SEL1L3: variants seen among roughly 807,000 people sequenced by gnomAD.
SEL1L3 encodes the protein protein sel-1 homolog 3.
Under a neutral mutation model 142.8 loss-of-function variants are expected in SEL1L3, and 76 were observed. The observed-to-expected ratio is 0.53, with a 90% CI of 0.44 to 0.64. The LOEUF (loss-of-function observed/expected upper bound fraction) is 0.64. Among genes scored for constraint, SEL1L3 ranks in the 30% least tolerant of loss-of-function variants. The pLI, the probability that SEL1L3 is intolerant of heterozygous loss-of-function variation, is 0.00. For missense variants in SEL1L3, 1,262 were observed against 1,381.7 expected (o/e 0.91, Z 1.37); for synonymous variants, 504 against 519.6 (o/e 0.97, Z 0.41).
At chr4:25,723,923 C>T in the SEL1L3 span, among the ~76,000 whole-genome samples, 3 of 152,272 alleles carry the variant, frequency 2.0e-5, no homozygotes, top group Non-Finnish European at 2.9e-5. Flanking sequence ...TCCTATTACT[C>T]GCCAAGCAGT....
At chr4:25,843,943 G>A (rs1358259946) in intron 2 of SEL1L3, among the ~76,000 whole-genome samples, 2 of 152,258 alleles carry the variant, frequency 1.3e-5, no homozygotes, top group South Asian at 2.1e-4. Flanking sequence ...CACACTTCCA[G>A]AACGCCCGGG....
intron 7 of SEL1L3, among the ~76,000 whole-genome samples, chr4:25,820,970 C>T (rs566777568): frequency 2.8e-4 from 43 of 152,122 alleles, no homozygotes; most frequent in African/African-American, 7.2e-4. Flanking sequence ...TCAAGTGATC[C>T]GCCTGCCTCG....
chr4:25,726,544 AAC>A, the SEL1L3 span, among the ~76,000 whole-genome samples: 1 of 139,982 alleles, frequency 7.1e-6, no homozygotes, highest in Non-Finnish European at 1.6e-5. Context: ...AAAAAAAAAA[AAC>A]CCAAAAAAAA....
At chr4:25,823,471 G>A (rs974268108) in intron 6 of SEL1L3, among the ~76,000 whole-genome samples, 5 of 152,012 alleles carry the variant, frequency 3.3e-5, no homozygotes, top group Non-Finnish European at 7.4e-5. Context: ...CTGAGATTGC[G>A]CCACTGCACT....
chr4:25,776,200 A>AT, intron 17 of SEL1L3, 77 bp downstream of exon 17: 1 of 894,956 alleles, frequency 1.1e-6, no homozygotes, highest in Non-Finnish European at 1.8e-6. Flanking sequence ...TCTCAGTTGC[A>AT]TTTTAAGACT....
chr4:25,795,236 T>C (rs1391841467), intron 11 of SEL1L3, among the ~76,000 whole-genome samples: 1 of 152,172 alleles, frequency 6.6e-6, no homozygotes, highest in Non-Finnish European at 1.5e-5. Flanking sequence ...AAGAAGATTG[T>C]TTGTGAAAGA....
intron 1 of SEL1L3, among the ~76,000 whole-genome samples, chr4:25,856,491 A>C (rs1206328432): frequency 6.6e-6 from 1 of 151,950 alleles, no homozygotes; most frequent in Non-Finnish European, 1.5e-5. Context: ...AAATATGTTT[A>C]TACCAGATGT....
Position 25,818,179 on chromosome 4 carries a change from G to A in SEL1L3, c.1523C>T (p.Pro508Leu). ...PWEKELKDKH[P>L]SLFQALLEMD... The stretch of plus-strand genomic sequence containing the variant: ...CTCCAGCAATGCCTGGAACAAGCTG[G>A]GGTGTTTGTCTTTCAGCTCCTTCTC... Residue 508 changes from proline to leucine, a missense_variant, in exon 9 of 24, where the codon CCC becomes CTC. Physicochemically the swap from Pro to Leu is moderately conservative, Grantham distance 98. Transcript: ENST00000399878. The A allele has an allele frequency of 6.2e-7, 1 of 1,610,526 alleles. No homozygotes were observed. Among genetic ancestry groups the A allele is most frequent in the Non-Finnish European group, 8.5e-7 (1 of 1,178,442 alleles).
chr4:25,744,178 G>A (rs1477459229), downstream of SEL1L3, among the ~76,000 whole-genome samples: 1 of 152,122 alleles, frequency 6.6e-6, no homozygotes, highest in Non-Finnish European at 1.5e-5. Context: ...ACCAGAGCCA[G>A]CCTCCCATGG....
chr4:25,739,936 A>G, the SEL1L3 span, among the ~76,000 whole-genome samples: 75 of 151,736 alleles, frequency 4.9e-4, no homozygotes, highest in African/African-American at 1.8e-3. Flanking sequence ...TCATTCATCA[A>G]TGTATTTTTT....
chr4:25,742,040 GTCC>G, the SEL1L3 span, among the ~76,000 whole-genome samples: 1 of 151,880 alleles, frequency 6.6e-6, no homozygotes, highest in African/African-American at 2.4e-5. Flanking sequence ...TCGAACTCTT[GTCC>G]TCAAGTGATC....
chr4:25,808,952 A>AG (rs1246664342), intron 9 of SEL1L3, among the ~76,000 whole-genome samples: 1 of 150,066 alleles, frequency 6.7e-6, no homozygotes, highest in Non-Finnish European at 1.5e-5. Context: ...GAGTGCCTGT[A>AG]GTCCCATCTA....
At chr4:25,853,536 G>T (rs1183850887) in intron 1 of SEL1L3, among the ~76,000 whole-genome samples, 1 of 150,852 alleles carries the variant, frequency 6.6e-6, no homozygotes, top group Non-Finnish European at 1.5e-5. Context: ...CAAACCCTTT[G>T]TATAAAAAAA....
At chr4:25,828,497 G>A (rs529070472) in intron 6 of SEL1L3, among the ~76,000 whole-genome samples, 8 of 150,200 alleles carry the variant, frequency 5.3e-5, no homozygotes, top group Non-Finnish European at 1.0e-4. Context: ...AGCAATTCTC[G>A]TGCCTCAGCC....
At chr4:25,813,792 T>C (rs1714187315) in intron 9 of SEL1L3, among the ~76,000 whole-genome samples, 1 of 152,204 alleles carries the variant, frequency 6.6e-6, no homozygotes, top group African/African-American at 2.4e-5. Context: ...GTCTCTTTTG[T>C]AATAGAATAA....
rs141189202 is a variant in SEL1L3 at position 25,832,075 on chromosome 4, G to T, written c.1098+920C>A. On this transcript the variant is annotated intron_variant, in intron 5 of 23. Coordinates refer to ENST00000399878, the MANE Select transcript of SEL1L3 (RefSeq NM_015187.5). ...ATAGGAAGCTAAAATGTGGACCACC[G>T]CTATGTCACTGAACATTTTTAAGTA... Among the ~76,000 whole-genome samples the T allele has an allele frequency of 2.6e-3, 391 of 152,242 alleles. 2 individuals carry two copies. The highest frequency in any genetic ancestry group is 8.8e-3 in the African/African-American group (367 of 41,552).
intron 6 of SEL1L3, among the ~76,000 whole-genome samples, chr4:25,826,245 G>A (rs1715085839): frequency 1.3e-5 from 2 of 152,194 alleles, no homozygotes. Flanking sequence ...GAGGCCTGAA[G>A]CTGTCACCTG....
intron 6 of SEL1L3, 37 bp from the exon 7 acceptor site, chr4:25,822,165 C>A (rs1414265535): frequency 2.5e-6 from 4 of 1,611,854 alleles, no homozygotes; most frequent in South Asian, 1.1e-5. Context: ...GAGCTCCATG[C>A]CGGAACTAGA....
Position 25,756,822 on chromosome 4 carries a change from A to G in SEL1L3, c.3259+712T>C, listed in dbSNP as rs115472588. On this transcript the variant is annotated intron_variant, in intron 23 of 23. Transcript: ENST00000399878. ...CGAGTGTTTGTTTATCCTCTTACAC[A>G]TCTGATTGCTTGACTGAAATGAAAG... is the stretch of plus-strand genomic sequence containing the variant. The G allele has an allele frequency of 2.6e-4, 330 of 1,270,970 alleles. 2 individuals are homozygous for G. The African/African-American group carries it at 4.6e-3, about 18-fold the overall frequency. 78.7% of individuals were successfully genotyped at this position (1,270,970 alleles called of 1,614,324 possible).
Sources: gnomAD v4.1 joint callset for allele counts (sites outside exome capture counted in the v4.1 genomes callset) on GRCh38, gnomAD v4.1.1 for gene constraint, MANE v1.5 for transcripts, NCBI Gene and HGNC (gene_info 2026-07-23, HGNC 2026-07-21) for gene names.